The following TM2D3 variants were observed in gnomAD, a reference collection of about 807,000 sequenced individuals.
TM2D3 encodes the protein TM2 domain-containing protein 3.
Under a neutral mutation model 27.3 loss-of-function variants are expected in TM2D3, and 33 were observed. The ratio of observed to expected loss-of-function variants is 1.21; its 90% CI spans 0.92 to 1.61. TM2D3 has a LOEUF of 1.61. Ranked by LOEUF, TM2D3 falls within the 40% of genes most tolerant of loss-of-function variation. The pLI, the probability that TM2D3 is intolerant of heterozygous loss-of-function variation, is 0.00. For synonymous variants in TM2D3, 138 were observed against 122.2 expected (o/e 1.13, Z -0.85); for missense variants, 364 against 320.8 (o/e 1.13, Z -1.03).
At chr15:101,649,982 A>G (rs1378578095) in intron 3 of TM2D3, 22 bp downstream of exon 3, 4 of 1,602,644 alleles carry the variant, frequency 2.5e-6, no homozygotes, top group African/African-American at 2.7e-5. Context: ...TTTATTTAGA[A>G]TAAGTAAGCT....
intron 2 of TM2D3, chr15:101,650,647 A>G (rs1896944345): frequency 6.6e-6 from 1 of 152,398 alleles, no homozygotes; most frequent in African/African-American, 2.4e-5. Flanking sequence ...TCAGGGCATC[A>G]ACTTTAAAAT....
intron 3 of TM2D3, 58 bp downstream of exon 3, chr15:101,649,946 T>A (rs1162057305): frequency 6.7e-7 from 1 of 1,496,300 alleles, no homozygotes; most frequent in Admixed American, 1.9e-5. Context: ...TCTGAATTGT[T>A]CTTCTAACTT....
chr15:101,643,855 A>T (rs1003027215), intron 5 of TM2D3, among the ~76,000 whole-genome samples: 3 of 151,942 alleles, frequency 2.0e-5, no homozygotes, highest in African/African-American at 7.3e-5. Flanking sequence ...AATGGTTACT[A>T]ATCTTTTTTT....
In TM2D3 at chr15:101,650,131, T is replaced by G. The variant is rs150334018; in HGVS notation, c.200A>C (p.Lys67Thr). The G allele has an allele frequency of 7.0e-4, 1,135 of 1,613,984 alleles. 2 individuals carry two copies. The highest frequency in any genetic ancestry group is 9.4e-4 in the Non-Finnish European group (1,105 of 1,179,928). ...GCTACACAAACCATTGCTCGGACAC[T>G]TCATCACATAAGGTGGGATTTCAGT... ...ESTEIPPYVM[K>T]CPSNGLCSRL... Residue 67 changes from lysine (K) to threonine (T), a missense_variant, in exon 3 of 6, where the codon AAG becomes ACG. Transcript: ENST00000333202.
chr15:101,649,279 G>C (rs1357010655), intron 3 of TM2D3, among the ~76,000 whole-genome samples: 2 of 151,610 alleles, frequency 1.3e-5, no homozygotes, highest in Non-Finnish European at 2.9e-5. Context: ...CTTTTTCCTA[G>C]TTTGCCATGT....
chr15:101,638,745 G>C (rs771789556), downstream of TM2D3, among the ~76,000 whole-genome samples: 2 of 152,148 alleles, frequency 1.3e-5, no homozygotes, highest in Non-Finnish European at 2.9e-5. Context: ...GTTCGCTGTG[G>C]AGTTTTCATT....
In TM2D3 at chr15:101,646,887, TG is replaced by T. The variant is rs1385020886; in HGVS notation, c.339del (p.Phe113LeufsTer11). On this transcript the variant is annotated frameshift_variant, in exon 4 of 6. Coordinates refer to ENST00000333202, the MANE Select transcript of TM2D3 (RefSeq NM_078474.3). LOFTEE classifies it high-confidence loss of function. ...TTAATGATGAAGTTCTTTTGGGATT[TG>T]AAGTCTTGATCCTATGTAGCAAATG... Reference protein sequence around the residue: ...KPSVTCVDQDFKSQKNFIINM... With the variant: ...KPSVTCVDQDXKSQKNFIINM... 3 of 1,614,192 alleles carry T rather than the reference TG, an allele frequency of 1.9e-6. No individual in the cohort carries two copies. The African/African-American group carries it at 4.0e-5, about 22-fold the overall frequency.
intron 2 of TM2D3, chr15:101,651,181 G>A (rs558787774): frequency 2.0e-5 from 3 of 153,432 alleles, no homozygotes; most frequent in South Asian, 3.9e-4. Context: ...AAGCAGAAAT[G>A]ACTTTAGGTC....
At chr15:101,651,622 G>A (rs1370500519) in intron 2 of TM2D3, 74 bp downstream of exon 2, 13 of 1,425,302 alleles carry the variant, frequency 9.1e-6, no homozygotes, top group African/African-American at 4.3e-5. Flanking sequence ...ATACTAAAGG[G>A]AATTTTTATA....
At chr15:101,638,011 G>A (rs1174492277), downstream of TM2D3, among the ~76,000 whole-genome samples, 3 of 152,154 alleles carry the variant, frequency 2.0e-5, no homozygotes, top group East Asian at 5.8e-4. Flanking sequence ...AGAATATCTG[G>A]TCTCTGGTTT....
chr15:101,644,249 T>C (rs1369054476), intron 5 of TM2D3, among the ~76,000 whole-genome samples: 1 of 152,206 alleles, frequency 6.6e-6, no homozygotes, highest in African/African-American at 2.4e-5. Flanking sequence ...GCTCAAATTC[T>C]AATGCAGTGG....
intron 1 of TM2D3, chr15:101,652,057 C>T (rs1422244782): frequency 8.9e-6 from 5 of 558,906 alleles, no homozygotes; most frequent in Non-Finnish European, 1.5e-5. Flanking sequence ...GCTCCGCAGC[C>T]GCGATGGCGG....
chr15:101,640,361 G>A (rs897624417), downstream of TM2D3, among the ~76,000 whole-genome samples: 1 of 152,246 alleles, frequency 6.6e-6, no homozygotes, highest in African/African-American at 2.4e-5. Flanking sequence ...GATGTTATGA[G>A]GAAGAAGGCC....
downstream of TM2D3, among the ~76,000 whole-genome samples, chr15:101,641,168 T>C (rs1281387309): frequency 6.6e-6 from 1 of 152,212 alleles, no homozygotes; most frequent in East Asian, 1.9e-4. Context: ...ATCAACAGTT[T>C]AACGGATACA....
At chr15:101,642,714 C>A (rs1896700311) in intron 5 of TM2D3, 70 bp from the exon 6 acceptor site, 3 of 1,361,876 alleles carry the variant, frequency 2.2e-6, no homozygotes, top group Non-Finnish European at 3.0e-6. Flanking sequence ...ACGGTTTAAT[C>A]ACCACATTAT....
At chr15:101,636,715 C>T (rs1283201344) in intron 4 of TM2D3, 1 of 213,332 alleles carries the variant, frequency 4.7e-6, no homozygotes, top group Non-Finnish European at 9.9e-6. Context: ...CATGGTAACT[C>T]TATGTTTAAC....
At position 101,651,727 on chromosome 15, in the gene TM2D3, T is replaced by C; in HGVS notation, c.138A>G (p.Thr46=). The stretch of plus-strand genomic sequence containing the variant: ...CCCTGGGAACTACTGTGAATGTGCG[T>C]GTTGGGCCCGGATCCTTTATTGACT... ...LAQSIKDPGP[T]RTFTVVPRAA... Residue 46 remains threonine, a synonymous_variant, in exon 2 of 6, where the codon ACA becomes ACG. Transcript: ENST00000333202. 6.2e-7 allele frequency: 1 copy of C among 1,614,224 alleles called. No homozygotes were observed. The highest frequency in any genetic ancestry group is 8.5e-7 in the Non-Finnish European group (1 of 1,180,036).
In TM2D3 at chr15:101,642,179, A is replaced by C. The variant is rs1896684881; in HGVS notation, c.*300T>G. Reference sequence around the variant, plus strand: ...CTGGAGATACAAGTGATGTAGTTTGACTTGGGCAATACAAAACAAAAGTCA... The same window carrying C: ...CTGGAGATACAAGTGATGTAGTTTGCCTTGGGCAATACAAAACAAAAGTCA... On this transcript the variant is annotated 3_prime_UTR_variant, in exon 6 of 6. Coordinates refer to ENST00000333202, the MANE Select transcript of TM2D3 (RefSeq NM_078474.3). 1 of 1,047,164 alleles carries C rather than the reference A, an allele frequency of 9.5e-7. No homozygotes were observed. The highest frequency in any genetic ancestry group is 5.6e-5 in the Admixed American group (1 of 17,994). 64.9% of individuals were successfully genotyped at this position (1,047,164 alleles called of 1,614,324 possible). A position where few individuals can be genotyped will look rare whatever the true frequency, so the allele number is the denominator to read the frequency against.
downstream of TM2D3, among the ~76,000 whole-genome samples, chr15:101,640,091 C>G (rs1896633695): frequency 6.6e-6 from 1 of 152,226 alleles, no homozygotes; most frequent in Non-Finnish European, 1.5e-5. Flanking sequence ...TGGTTCCCAA[C>G]CTGTGTGAAC....
Sources: gnomAD v4.1 joint callset for allele counts (sites outside exome capture counted in the v4.1 genomes callset) on GRCh38, gnomAD v4.1.1 for gene constraint, MANE v1.5 for transcripts, NCBI Gene and HGNC (gene_info 2026-07-23, HGNC 2026-07-21) for gene names.